ABTB2: variants seen among roughly 807,000 people sequenced by gnomAD.
The protein encoded by ABTB2 is ankyrin repeat and BTB domain containing 2.
Under a neutral mutation model 104.1 loss-of-function variants are expected in ABTB2, and 56 were observed. The ratio of observed to expected loss-of-function variants is 0.54; its 90% CI spans 0.43 to 0.67. ABTB2 has a LOEUF of 0.67. ABTB2 is among the 30% of genes least tolerant of loss of function. The probability of loss-of-function intolerance (pLI) is 0.00; values close to 1 mark genes in which losing one functional copy is unlikely to be tolerated. For missense variants in ABTB2, 1,279 were observed against 1,407.7 expected, an observed-to-expected ratio of 0.91 and a Z score of 1.46; for synonymous variants, 606 against 608.2, an observed-to-expected ratio of 1.00 and a Z score of 0.05.
At chr11:34,257,218 A>T (rs1409666440) in intron 1 of ABTB2, among the ~76,000 whole-genome samples, 1 of 150,156 alleles carries the variant, frequency 6.7e-6, no homozygotes, top group African/African-American at 2.4e-5. Context: ...TCAGAACACC[A>T]TGGTGGAAAA....
chr11:34,344,049 A>T (rs1347288879), intron 1 of ABTB2, among the ~76,000 whole-genome samples: 2 of 151,458 alleles, frequency 1.3e-5, no homozygotes, highest in Non-Finnish European at 2.9e-5. Context: ...TTCGGACACC[A>T]CTCCAGGCCC....
chr11:34,239,364 G>A (rs1047471450), intron 1 of ABTB2, among the ~76,000 whole-genome samples: 1 of 151,746 alleles, frequency 6.6e-6, no homozygotes, highest in Non-Finnish European at 1.5e-5. Context: ...TTTTTTTGGA[G>A]ACAGGGTGCC....
intron 1 of ABTB2, among the ~76,000 whole-genome samples, chr11:34,293,325 T>A (rs1854584636): frequency 6.6e-6 from 1 of 151,926 alleles, no homozygotes; most frequent in African/African-American, 2.4e-5. Context: ...GAGTTGGGGC[T>A]GAGGGCAGCG....
Position 34,152,215 on chromosome 11 carries a change from C to T in ABTB2, c.*172G>A. On this transcript the variant is annotated 3_prime_UTR_variant, in exon 17 of 17. Transcript: ENST00000435224. ...TGCCCATCAGTGATTGAACAAACAG[C>T]TCTAGGGCAGAGGAGATGAGGGTGA... is the stretch of plus-strand genomic sequence containing the variant. The T allele has an allele frequency of 1.4e-6, 1 of 700,692 alleles. No individual in the cohort carries two copies. Among genetic ancestry groups the T allele is most frequent in the Non-Finnish European group, 2.3e-6 (1 of 427,668 alleles). The allele number at this position is 700,692 out of a possible 1,614,324, so 43.4% of individuals were successfully genotyped here.
intron 3 of ABTB2, among the ~76,000 whole-genome samples, chr11:34,182,525 A>G (rs929470111): frequency 1.4e-5 from 2 of 141,466 alleles, no homozygotes; most frequent in Non-Finnish European, 3.0e-5. Context: ...CACTTTTCCT[A>G]TTAAAACTCA....
rs2133133862 is a variant in ABTB2, at chr11:34,357,670, G to C, written c.-87C>G. The C allele has an allele frequency of 1.5e-6, 2 of 1,312,728 alleles. No individual in the cohort carries two copies. The highest frequency in any genetic ancestry group is 2.9e-5 in the East Asian group (1 of 34,556). The allele number at this position is 1,312,728 out of a possible 1,614,324, so 81.3% of individuals were successfully genotyped here. A position where few individuals can be genotyped will look rare whatever the true frequency, so the allele number is the denominator to read the frequency against. ...CCCAAGTGGGCAGAAACAAGCTCTA[G>C]GCCCTCCGGGCCACCCTCCTTCCTC... is the stretch of plus-strand genomic sequence containing the variant. On this transcript the variant is annotated 5_prime_UTR_variant, in exon 1 of 17. Transcript: ENST00000435224.
Position 34,357,376 on chromosome 11 carries a change from T to C in ABTB2, c.208A>G (p.Thr70Ala), listed in dbSNP as rs1046038557. ...TCCTCGGGCAGCACCGTGTTCACCG[T>C]GTCCCAGCTGTTGTGGCGGCTGTTC... is the stretch of plus-strand genomic sequence containing the variant. ...SMNSRHNSWDTVNTVLPEDPE... is the reference protein window; with the variant it reads ...SMNSRHNSWDAVNTVLPEDPE... Residue 70 changes from threonine to alanine, a missense_variant, in exon 1 of 17, where the codon ACG becomes GCG. Thr to Ala is a moderately conservative substitution (Grantham distance 58, BLOSUM62 0). Coordinates refer to ENST00000435224, the MANE Select transcript of ABTB2 (RefSeq NM_145804.3). 16 of 1,543,364 alleles carry C rather than the reference T, an allele frequency of 1.0e-5. No individual in the cohort carries two copies. Among genetic ancestry groups the C allele is most frequent in the African/African-American group, 4.1e-5 (3 of 72,968 alleles).
intron 1 of ABTB2, among the ~76,000 whole-genome samples, chr11:34,280,888 C>T (rs757891429): frequency 5.9e-5 from 9 of 152,154 alleles, no homozygotes; most frequent in Non-Finnish European, 1.2e-4. Flanking sequence ...TTCCTCACAC[C>T]ATACTACTTT....
chr11:34,310,398 G>A (rs1020875311), intron 1 of ABTB2, among the ~76,000 whole-genome samples: 86 of 151,986 alleles, frequency 5.7e-4, no homozygotes, highest in African/African-American at 1.9e-3. Flanking sequence ...TCTGAGTTTC[G>A]AATCAACTTC....
chr11:34,315,498 G>C (rs1314472944), intron 1 of ABTB2, among the ~76,000 whole-genome samples: 1 of 152,134 alleles, frequency 6.6e-6, no homozygotes, highest in African/African-American at 2.4e-5. Context: ...GGGGAATACA[G>C]GCCCCAATCA....
At chr11:34,258,573 T>G (rs993915433) in intron 1 of ABTB2, among the ~76,000 whole-genome samples, 5 of 151,698 alleles carry the variant, frequency 3.3e-5, no homozygotes, top group African/African-American at 1.2e-4. Flanking sequence ...TCCTTAGAAC[T>G]GTGCCTAGTG....
rs2132995480 is a variant in ABTB2, at chr11:34,152,166, CA to C, written c.*220del. The stretch of plus-strand genomic sequence containing the variant: ...TGCAAACTGAGATGGGGAGGAGGGC[CA>C]CCAGTTAGCTACATCTCCCCTTTGC... On this transcript the variant is annotated 3_prime_UTR_variant, in exon 17 of 17. Transcript: ENST00000435224. The C allele has an allele frequency of 1.7e-6, 1 of 573,616 alleles. No homozygotes were observed. The highest frequency in any genetic ancestry group is 3.0e-5 in the East Asian group (1 of 33,082). The allele number at this position is 573,616 out of a possible 1,614,324, so 35.5% of individuals were successfully genotyped here.
chr11:34,344,761 G>A (rs1855309599), intron 1 of ABTB2, among the ~76,000 whole-genome samples: 1 of 152,166 alleles, frequency 6.6e-6, no homozygotes, highest in Non-Finnish European at 1.5e-5. Context: ...GCCTCCTAAG[G>A]TGCTAGGATT....
chr11:34,197,119 T>C (rs1458896362), intron 3 of ABTB2, among the ~76,000 whole-genome samples: 1 of 147,566 alleles, frequency 6.8e-6, no homozygotes, highest in Non-Finnish European at 1.5e-5. Context: ...CCATGCTGCA[T>C]CAGCTCAGAG....
chr11:34,294,504 C>T (rs1383710257), intron 1 of ABTB2, among the ~76,000 whole-genome samples: 3 of 152,122 alleles, frequency 2.0e-5, no homozygotes, highest in East Asian at 3.9e-4. Context: ...ACGGCCAATG[C>T]TTCCCAGGAG....
intron 1 of ABTB2, among the ~76,000 whole-genome samples, chr11:34,205,429 A>C (rs1459443200): frequency 6.6e-6 from 1 of 152,238 alleles, no homozygotes; most frequent in Non-Finnish European, 1.5e-5. Context: ...GTGGCTTCTT[A>C]GAAAGCACCA....
At chr11:34,341,768 C>T in intron 1 of ABTB2, among the ~76,000 whole-genome samples, 1 of 152,138 alleles carries the variant, frequency 6.6e-6, no homozygotes, top group Admixed American at 6.5e-5. Context: ...GTTCCCAGGC[C>T]AGGCCTCAGT....
At chr11:34,316,090 G>A (rs1590253452) in intron 1 of ABTB2, among the ~76,000 whole-genome samples, 1 of 152,186 alleles carries the variant, frequency 6.6e-6, no homozygotes, top group Admixed American at 6.5e-5. Flanking sequence ...CTAGAACAAG[G>A]CTAAAAATGC....
In ABTB2 at chr11:34,154,163, A is replaced by T; in HGVS notation, c.2880+102T>A. 1 of 874,946 alleles carries T rather than the reference A, an allele frequency of 1.1e-6. No individual in the cohort carries two copies. Among genetic ancestry groups the T allele is most frequent in the Non-Finnish European group, 1.9e-6 (1 of 540,312 alleles). 54.2% of individuals were successfully genotyped at this position (874,946 alleles called of 1,614,324 possible). A position where few individuals can be genotyped will look rare whatever the true frequency, so the allele number is the denominator to read the frequency against. ...CACTGCCCTCAGAAGCAGCCTGGTC[A>T]CCTGCATCTCCTAGCTCATCCCCAG... is the stretch of plus-strand genomic sequence containing the variant. On this transcript the variant is annotated intron_variant, in intron 16 of 16. Transcript: ENST00000435224. This position sits in a 1 kb window ranked among gnomAD's most constrained non-coding sequence, Gnocchi z 4.9.
Sources: allele counts gnomAD v4.1 joint callset (sites outside exome capture counted in the v4.1 genomes callset), GRCh38; gene constraint gnomAD v4.1.1; non-coding constraint Gnocchi (gnomAD v3.1); transcripts MANE v1.5; gene names NCBI Gene and HGNC (gene_info 2026-07-23, HGNC 2026-07-21).